The following LIMCH1 variants were observed in gnomAD, a reference collection of about 807,000 sequenced individuals.
LIMCH1 encodes LIM and calponin homology domains 1.
A neutral mutation model predicts 176.5 loss-of-function variants in LIMCH1; 113 were observed. The observed-to-expected ratio is 0.64, with a 90% CI of 0.55 to 0.75. The LOEUF is 0.75. Among genes scored for constraint, LIMCH1 ranks in the 30% least tolerant of loss-of-function variants. LIMCH1 has a pLI of 0.00. For synonymous variants in LIMCH1, 619 were observed against 645.9 expected (o/e 0.96, Z 0.63); for missense variants, 1,674 against 1,814.9 (o/e 0.92, Z 1.41).
intron 1 of LIMCH1, among the ~76,000 whole-genome samples, chr4:41,468,574 G>A (rs2066499425): frequency 6.6e-6 from 1 of 151,728 alleles, no homozygotes; most frequent in Admixed American, 6.6e-5. Context: ...TTTGATTACA[G>A]AGTGCTTCCC....
intron 2 of LIMCH1, among the ~76,000 whole-genome samples, chr4:41,511,331 A>C (rs2074892605): frequency 6.6e-6 from 1 of 151,916 alleles, no homozygotes; most frequent in Non-Finnish European, 1.5e-5. Flanking sequence ...TCCCAAACAA[A>C]CGCAATGGGC....
intron 1 of LIMCH1, among the ~76,000 whole-genome samples, chr4:41,362,713 A>G (rs1581010183): frequency 6.6e-6 from 1 of 152,226 alleles, no homozygotes; most frequent in Non-Finnish European, 1.5e-5. Flanking sequence ...GTATATTACT[A>G]TAGCCCCCAC....
At position 41,612,344 on chromosome 4, in the gene LIMCH1, T is replaced by C. The variant is rs183987710; in HGVS notation, c.10-1122T>C. ...AACTGCTAACATGAAGAATATTTAT[T>C]TTTCCTTTCTATTGGGAATGCAGAG... On this transcript the variant is annotated intron_variant, in intron 4 of 31. Coordinates refer to ENST00000503057, the MANE Select transcript of LIMCH1 (RefSeq NM_001330672.2). 875 of 558,770 alleles carry C rather than the reference T, an allele frequency of 1.6e-3. 20 individuals are homozygous for C. In the Admixed American group the frequency reaches 0.024, roughly 15 times the overall value. 34.6% of individuals were successfully genotyped at this position (558,770 alleles called of 1,614,324 possible). A position where few individuals can be genotyped will look rare whatever the true frequency, so the allele number is the denominator to read the frequency against.
chr4:41,694,054 G>T (rs1003730121), intron 31 of LIMCH1, among the ~76,000 whole-genome samples: 1 of 151,984 alleles, frequency 6.6e-6, no homozygotes, highest in Admixed American at 6.6e-5. Flanking sequence ...CAAATATAAA[G>T]GGCATTAACT....
At chr4:41,670,645 G>T in intron 21 of LIMCH1, 1 of 1,110,946 alleles carries the variant, frequency 9.0e-7, no homozygotes, top group South Asian at 1.4e-5. Context: ...TAGTACTTGG[G>T]AGCATGGTTC....
intron 1 of LIMCH1, among the ~76,000 whole-genome samples, chr4:41,475,796 G>A (rs992047640): frequency 6.6e-6 from 1 of 152,104 alleles, no homozygotes; most frequent in African/African-American, 2.4e-5. Context: ...CTGGTTGATA[G>A]GTGCAGCAAA....
chr4:41,496,649 T>C (rs893064090), intron 2 of LIMCH1, among the ~76,000 whole-genome samples: 5 of 152,152 alleles, frequency 3.3e-5, no homozygotes, highest in Non-Finnish European at 7.3e-5. Context: ...GGCTAGGTTT[T>C]GTGTAAGTTG....
At chr4:41,432,213 G>A (rs937574227) in intron 1 of LIMCH1, among the ~76,000 whole-genome samples, 6 of 152,226 alleles carry the variant, frequency 3.9e-5, no homozygotes, top group Admixed American at 1.3e-4. Context: ...GATGCGTGTT[G>A]TGTGAACACT....
At chr4:41,524,583 C>A in intron 3 of LIMCH1, 1 of 859,768 alleles carries the variant, frequency 1.2e-6, no homozygotes, top group Non-Finnish European at 2.0e-6. Flanking sequence ...ATATATTCCA[C>A]TTGAATGAGA....
chr4:41,646,010 G>T (rs1283096163), intron 15 of LIMCH1, 113 bp from the exon 16 acceptor site: 25 of 1,073,130 alleles, frequency 2.3e-5, no homozygotes, highest in Non-Finnish European at 2.7e-6. Context: ...ATGTTATAGT[G>T]CCTGGGCCCA....
intron 1 of LIMCH1, among the ~76,000 whole-genome samples, chr4:41,563,550 A>G (rs1210735809): frequency 6.6e-6 from 1 of 152,200 alleles, no homozygotes; most frequent in Non-Finnish European, 1.5e-5. Context: ...AGATGCTAAA[A>G]AGTAGAGCAA....
chr4:41,643,005 G>A (rs981275600), intron 14 of LIMCH1, among the ~76,000 whole-genome samples: 1 of 152,204 alleles, frequency 6.6e-6, no homozygotes, highest in Non-Finnish European at 1.5e-5. Context: ...GTCCTTCTGT[G>A]CAGCCAGATT....
At chr4:41,465,078 G>A (rs1012447835) in intron 1 of LIMCH1, among the ~76,000 whole-genome samples, 3 of 152,078 alleles carry the variant, frequency 2.0e-5, no homozygotes, top group African/African-American at 7.2e-5. Flanking sequence ...TTTTCTTTTG[G>A]ACTGCTGCAT....
At chr4:41,396,284 A>G (rs1303416771) in intron 1 of LIMCH1, among the ~76,000 whole-genome samples, 1 of 152,244 alleles carries the variant, frequency 6.6e-6, no homozygotes, top group Non-Finnish European at 1.5e-5. Context: ...TAAGGTTTCA[A>G]AAATAAACAG....
chr4:41,419,551 C>A (rs576515378), intron 1 of LIMCH1, among the ~76,000 whole-genome samples: 1 of 151,258 alleles, frequency 6.6e-6, no homozygotes, highest in East Asian at 2.0e-4. Flanking sequence ...CATTTTCTTC[C>A]TTTCCTTTCC....
intron 1 of LIMCH1, among the ~76,000 whole-genome samples, chr4:41,562,422 A>G (rs1422960622): frequency 6.6e-6 from 1 of 152,330 alleles, no homozygotes; most frequent in East Asian, 1.9e-4. Flanking sequence ...GTTCCTATCC[A>G]GAAATAAAAG....
At chr4:41,466,123 T>G (rs1470655598) in intron 1 of LIMCH1, among the ~76,000 whole-genome samples, 1 of 152,124 alleles carries the variant, frequency 6.6e-6, no homozygotes, top group African/African-American at 2.4e-5. Context: ...CATGCCTGGC[T>G]AATTTTTGTA....
chr4:41,629,645 C>A lies in LIMCH1; in HGVS notation c.1182C>A (p.His394Gln). 1 of 1,536,070 alleles carries A rather than the reference C, an allele frequency of 6.5e-7. No individual in the cohort carries two copies. Among genetic ancestry groups the A allele is most frequent in the Non-Finnish European group, 8.7e-7 (1 of 1,146,898 alleles). ...QQRIQGSLAP[H>Q]REPPSFITLS... ...GAATTCAGGGCAGCCTTGCCCCTCACCGCGAGCCCCCGAGCTTCATTACGC... is the reference window on the plus strand; with the variant it reads ...GAATTCAGGGCAGCCTTGCCCCTCAACGCGAGCCCCCGAGCTTCATTACGC... The change falls in exon 9 of 32, where the codon CAC becomes CAA. Residue 394 changes from histidine to glutamine, a missense_variant. Physicochemically the swap from His to Gln is conservative, Grantham distance 24. Around this residue, in one of 3 missense-constraint regions of LIMCH1, gnomAD observed 655 missense variants for 692.2 expected, o/e 0.95. Coordinates refer to ENST00000503057, the MANE Select transcript of LIMCH1 (RefSeq NM_001330672.2).
chr4:41,402,354 A>C (rs2058535709), intron 1 of LIMCH1, among the ~76,000 whole-genome samples: 1 of 151,656 alleles, frequency 6.6e-6, no homozygotes, highest in South Asian at 2.1e-4. Context: ...GTGGAGAAAT[A>C]GGAACACTTT....
Sources: gnomAD v4.1 joint callset for allele counts (sites outside exome capture counted in the v4.1 genomes callset) on GRCh38, gnomAD v4.1.1 for gene constraint, gnomAD v4.1.1 regional missense constraint, MANE v1.5 for transcripts, NCBI Gene and HGNC (gene_info 2026-07-23, HGNC 2026-07-21) for gene names.